Variants in CAMSAP3 observed in about 807,000 individuals in gnomAD.
CAMSAP3 encodes the protein calmodulin regulated spectrin associated protein family member 3, also known as calmodulin-regulated spectrin-associated protein 3.
Under a neutral mutation model 112.5 loss-of-function variants are expected in CAMSAP3, and 34 were observed. The ratio of observed to expected loss-of-function variants is 0.30; its 90% CI spans 0.23 to 0.40. CAMSAP3 has a LOEUF of 0.40. CAMSAP3 is among the 10% of genes least tolerant of loss of function. The pLI is 1.00. For missense variants in CAMSAP3, 1,602 were observed against 1,770.3 expected (o/e 0.90, Z 1.71); for synonymous variants, 868 against 799.8 (o/e 1.09, Z -1.44).
Position 7,607,749 on chromosome 19 carries a change from C to G in CAMSAP3, c.622-377C>G, listed in dbSNP as rs536410325. ...CCAGGGTCAGGGCTACCCCCTCCCC[C>G]CCAAGGTGGGCTTGGGGGCCCAGCA... On this transcript the variant is annotated intron_variant, in intron 4 of 16. Transcript: ENST00000160298. The surrounding 1 kb of genome is among the most constrained non-coding windows in gnomAD (Gnocchi z 4.9). 83 of 577,206 alleles carry G rather than the reference C, an allele frequency of 1.4e-4. No individual in the cohort carries two copies. Among genetic ancestry groups the G allele is most frequent in the Middle Eastern group, 4.8e-4 (1 of 2,084 alleles). The allele number at this position is 577,206 out of a possible 1,614,324, so 35.8% of individuals were successfully genotyped here.
intron 11 of CAMSAP3, chr19:7,614,621 A>C (rs2030684188): frequency 6.5e-6 from 1 of 153,124 alleles, no homozygotes; most frequent in African/African-American, 2.4e-5. Context: ...TACAGGTGTG[A>C]GCCACCGCGT....
chr19:7,603,318 G>A (rs904376393), intron 1 of CAMSAP3, among the ~76,000 whole-genome samples: 1 of 151,306 alleles, frequency 6.6e-6, no homozygotes, highest in Non-Finnish European at 1.5e-5. Flanking sequence ...AGATTTAAGC[G>A]ATTCTCCGGC....
In CAMSAP3 at chr19:7,607,850, G is replaced by A. The variant is rs754629548; in HGVS notation, c.622-276G>A. ...CAATTGCCTTCTGTTTGAAGGAGTC[G>A]GGGAGCAAACCCCCCATGGTAATGT... On this transcript the variant is annotated intron_variant, in intron 4 of 16. Coordinates refer to ENST00000160298, the MANE Select transcript of CAMSAP3 (RefSeq NM_020902.2). This position sits in a 1 kb window ranked among gnomAD's most constrained non-coding sequence, Gnocchi z 4.9. 1.3e-5 allele frequency: 18 copies of A among 1,379,308 alleles called. No individual in the cohort carries two copies. The highest frequency in any genetic ancestry group is 2.4e-5 in the Admixed American group (1 of 41,038). The allele number at this position is 1,379,308 out of a possible 1,614,324, so 85.4% of individuals were successfully genotyped here.
intron 2 of CAMSAP3, 69 bp downstream of exon 2, chr19:7,605,548 C>A: frequency 1.4e-6 from 2 of 1,406,454 alleles, no homozygotes; most frequent in South Asian, 3.2e-5. Context: ...CTCCTCCCGC[C>A]AGTCCTGGCT....
In CAMSAP3 at chr19:7,612,489, C is replaced by A. The variant is rs770499539; in HGVS notation, c.1996C>A (p.Arg666=). The change falls in exon 11 of 17, where the codon CGG becomes AGG. Residue 666 remains arginine (R), a synonymous_variant. Coordinates refer to ENST00000160298, the MANE Select transcript of CAMSAP3 (RefSeq NM_020902.2). ...TTCCGGTCCAGTCCCTGGTGGGGAG[C>A]GGCCCGCAGGCGAGGGCCAGGGTGA... The part of the protein sequence containing the change: ...ADSGPVPGGE[R]PAGEGQGEPT... 1.9e-6 allele frequency: 3 copies of A among 1,553,080 alleles called. No individual in the cohort carries two copies. The highest frequency in any genetic ancestry group is 1.2e-5 in the South Asian group (1 of 84,988).
Position 7,606,581 on chromosome 19 carries a change from G to A in CAMSAP3, c.621+10G>A, listed in dbSNP as rs1357323617. On this transcript the variant is annotated intron_variant, in intron 4 of 16. Coordinates refer to ENST00000160298, the MANE Select transcript of CAMSAP3 (RefSeq NM_020902.2). ...CCCGGCGCAGCCCTCGGTGAGGCCA[G>A]GGCATAGAACCGTCAGAAGGATGGG... 2.6e-6 allele frequency: 4 copies of A among 1,524,292 alleles called. No homozygotes were observed. Among genetic ancestry groups the A allele is most frequent in the Non-Finnish European group, 2.6e-6 (3 of 1,140,568 alleles). The allele number at this position is 1,524,292 out of a possible 1,614,324, so 94.4% of individuals were successfully genotyped here. A position where few individuals can be genotyped will look rare whatever the true frequency, so the allele number is the denominator to read the frequency against.
intron 2 of CAMSAP3, 56 bp from the exon 3 acceptor site, chr19:7,606,215 C>A (rs1288886217): frequency 7.5e-7 from 1 of 1,326,990 alleles, no homozygotes; most frequent in Non-Finnish European, 9.9e-7. Flanking sequence ...CCCTTGGGGG[C>A]CGAGGTGCGC....
intron 1 of CAMSAP3, among the ~76,000 whole-genome samples, chr19:7,603,338 C>T (rs558551612): frequency 2.7e-4 from 41 of 152,140 alleles, no homozygotes; most frequent in African/African-American, 9.9e-4. Flanking sequence ...CCTCGGCTTC[C>T]CGAGTAGCTG....
chr19:7,605,592 T>C, intron 2 of CAMSAP3, 113 bp downstream of exon 2: 1 of 1,235,488 alleles, frequency 8.1e-7, no homozygotes, highest in Non-Finnish European at 1.1e-6. Flanking sequence ...CTTGGCTCCT[T>C]TCAAGCTTTG....
chr19:7,599,625 ACC>A (rs1279814512), intron 1 of CAMSAP3, among the ~76,000 whole-genome samples: 1 of 19,896 alleles, frequency 5.0e-5, no homozygotes, highest in Non-Finnish European at 9.3e-5. Context: ...CCATCCACCC[ACC>A]CCACTCATCC....
At chr19:7,599,599 T>A (rs1402271378) in intron 1 of CAMSAP3, among the ~76,000 whole-genome samples, 4 of 38,176 alleles carry the variant, frequency 1.0e-4, no homozygotes, top group Non-Finnish European at 1.0e-4. Flanking sequence ...CCCACCCACC[T>A]ACTCACCGCA....
intron 1 of CAMSAP3, among the ~76,000 whole-genome samples, chr19:7,597,692 G>A (rs2024468388): frequency 6.6e-6 from 1 of 152,210 alleles, no homozygotes; most frequent in African/African-American, 2.4e-5. Flanking sequence ...TGATACATGC[G>A]AAACGGTTGC....
chr19:7,606,785 G>A (rs760905807), intron 4 of CAMSAP3: 8 of 1,613,730 alleles, frequency 5.0e-6, no homozygotes, highest in South Asian at 1.1e-5. Flanking sequence ...AGTGCCCTAC[G>A]CGCTGGTACT....
rs2030412204 is a variant in CAMSAP3, at chr19:7,610,332, A to AG, written c.761-144_761-143insG. The stretch of plus-strand genomic sequence containing the variant: ...GACTCCATCTCAAAAAAAAAAAAAA[A>AG]AGAATTCACCTCTCGAAGGGCACCT... On this transcript the variant is annotated intron_variant, in intron 5 of 16. Transcript: ENST00000160298. The surrounding 1 kb of genome is among the most constrained non-coding windows in gnomAD (Gnocchi z 4.9). The AG allele has an allele frequency of 1.5e-6, 1 of 685,088 alleles. No individual in the cohort carries two copies. Among genetic ancestry groups the AG allele is most frequent in the Non-Finnish European group, 2.4e-6 (1 of 415,600 alleles). 42.4% of individuals were successfully genotyped at this position (685,088 alleles called of 1,614,324 possible). A position where few individuals can be genotyped will look rare whatever the true frequency, so the allele number is the denominator to read the frequency against.
At position 7,612,486 on chromosome 19, in the gene CAMSAP3, G is replaced by A; in HGVS notation, c.1993G>A (p.Glu665Lys). Residue 665 changes from glutamate (E) to lysine (K), a missense_variant, in exon 11 of 17, where the codon GAG (glutamate) becomes AAG (lysine). This residue lies in a region of CAMSAP3 where 1,100 missense variants were observed against 1,135.7 expected (regional missense o/e 0.97). Coordinates refer to ENST00000160298, the MANE Select transcript of CAMSAP3 (RefSeq NM_020902.2). ...EADSGPVPGG[E>K]RPAGEGQGEP... is the part of the protein sequence containing the mutation. ...CGATTCCGGTCCAGTCCCTGGTGGG[G>A]AGCGGCCCGCAGGCGAGGGCCAGGG... 6.4e-7 allele frequency: 1 copy of A among 1,556,196 alleles called. No homozygotes were observed. Among genetic ancestry groups the A allele is most frequent in the East Asian group, 2.4e-5 (1 of 41,672 alleles).
In CAMSAP3 at chr19:7,617,185, G is replaced by A. The variant is rs906380443; in HGVS notation, c.3213-141G>A. On this transcript the variant is annotated intron_variant, in intron 14 of 16. Coordinates refer to ENST00000160298, the MANE Select transcript of CAMSAP3 (RefSeq NM_020902.2). The surrounding 1 kb of genome is among the most constrained non-coding windows in gnomAD (Gnocchi z 7.5). ...GCCCGCTTTGGCCTCCCGAAGTGCT[G>A]GGATTACAGGCATGAGCCACGATGC... The A allele has an allele frequency of 1.5e-6, 1 of 677,388 alleles. No individual in the cohort carries two copies. Among genetic ancestry groups the A allele is most frequent in the South Asian group, 1.7e-5 (1 of 59,400 alleles). 42.0% of individuals were successfully genotyped at this position (677,388 alleles called of 1,614,324 possible).
chr19:7,614,512 G>A (rs62113424), intron 11 of CAMSAP3: 21,702 of 151,452 alleles, frequency 0.14, 1,646 homozygotes, highest in African/African-American at 0.19. Flanking sequence ...ACGCCCAGCT[G>A]ATTTTTGCAT....
chr19:7,614,259 C>CAAAAAAAAA (rs1173068955), intron 11 of CAMSAP3, among the ~76,000 whole-genome samples: 1 of 18,766 alleles, frequency 5.3e-5, no homozygotes, highest in East Asian at 1.6e-3. Flanking sequence ...GACTCCATCT[C>CAAAAAAAAA]AAAAAAAAAA....
Position 7,612,223 on chromosome 19 carries a change from C to CAG in CAMSAP3, c.1733_1734dup (p.Ala579ArgfsTer19). 6.3e-7 allele frequency: 1 copy of CAG among 1,596,640 alleles called. No homozygotes were observed. Among genetic ancestry groups the CAG allele is most frequent in the Non-Finnish European group, 8.5e-7 (1 of 1,172,290 alleles). On this transcript the variant is annotated frameshift_variant, in exon 11 of 17. Coordinates refer to ENST00000160298, the MANE Select transcript of CAMSAP3 (RefSeq NM_020902.2). LOFTEE classifies it high-confidence loss of function. ...GAACGCAAGAAACAGCTGGTGAAGG[C>CAG]AGAGGCTGAGGCCGGAGCGGGGTCC...
Sources: allele counts gnomAD v4.1 joint callset (sites outside exome capture counted in the v4.1 genomes callset), GRCh38; gene constraint gnomAD v4.1.1; regional missense constraint gnomAD v4.1.1; non-coding constraint Gnocchi (gnomAD v3.1); transcripts MANE v1.5; gene names NCBI Gene and HGNC (gene_info 2026-07-23, HGNC 2026-07-21).